Variants in CSMD1 observed in about 807,000 individuals in gnomAD.
CSMD1 encodes the protein CUB and Sushi multiple domains 1.
Under a neutral mutation model 417.5 loss-of-function variants are expected in CSMD1, and 213 were observed. The observed-to-expected ratio is 0.51, with a 90% CI of 0.46 to 0.57. CSMD1 has a LOEUF of 0.57. Among genes scored for constraint, CSMD1 ranks in the 20% least tolerant of loss-of-function variants. The pLI is 0.00. For missense variants in CSMD1, 6,923 were observed against 4,529.7 expected (o/e 1.53, Z -15.17); for synonymous variants, 2,862 against 1,736.8 (o/e 1.65, Z -16.11).
At chr8:3,241,871 A>C (rs1024515435) in intron 26 of CSMD1, among the ~76,000 whole-genome samples, 5 of 152,026 alleles carry the variant, frequency 3.3e-5, no homozygotes, top group African/African-American at 1.2e-4. Context: ...ACGTTAATTA[A>C]GTCCTGTTGT....
At chr8:2,988,688 G>A (rs191431610) in intron 54 of CSMD1, among the ~76,000 whole-genome samples, 4 of 152,118 alleles carry the variant, frequency 2.6e-5, no homozygotes, top group Admixed American at 6.5e-5. Context: ...CTAATAAAAG[G>A]GATACCTTCT....
At chr8:4,205,262 G>T (rs564914494) in intron 3 of CSMD1, among the ~76,000 whole-genome samples, 5 of 152,138 alleles carry the variant, frequency 3.3e-5, no homozygotes, top group Non-Finnish European at 7.4e-5. Flanking sequence ...TCATATTTTT[G>T]CTGCTCATAT....
intron 10 of CSMD1, among the ~76,000 whole-genome samples, chr8:3,505,007 G>C (rs894763731): frequency 8.8e-5 from 8 of 91,086 alleles, no homozygotes; most frequent in African/African-American, 4.1e-4. Flanking sequence ...CAGTGATGGA[G>C]AAACAGTTAA....
intron 4 of CSMD1, among the ~76,000 whole-genome samples, chr8:4,027,685 C>G (rs1241093438): frequency 4.6e-5 from 7 of 152,094 alleles, no homozygotes; most frequent in East Asian, 1.9e-4. Context: ...CGGACTAATA[C>G]AGATGACAAC....
intron 2 of CSMD1, among the ~76,000 whole-genome samples, chr8:4,541,753 A>T (rs2130517394): frequency 6.6e-6 from 1 of 152,196 alleles, no homozygotes; most frequent in South Asian, 2.1e-4. Flanking sequence ...AATAAATAAG[A>T]TAAAGAAAAA....
chr8:4,349,836 T>G (rs1230045480), intron 3 of CSMD1, among the ~76,000 whole-genome samples: 1 of 145,900 alleles, frequency 6.9e-6, no homozygotes, highest in African/African-American at 2.7e-5. Flanking sequence ...TTTTTTTTTT[T>G]AAGTTTAGGT....
intron 12 of CSMD1, among the ~76,000 whole-genome samples, chr8:3,432,869 T>C (rs185470673): frequency 1.4e-3 from 217 of 152,298 alleles, no homozygotes; most frequent in African/African-American, 4.8e-3. Context: ...TGCTTAAATA[T>C]AGTCATCAGA....
chr8:3,787,749 G>T (rs1799526342), intron 5 of CSMD1, among the ~76,000 whole-genome samples: 2 of 152,134 alleles, frequency 1.3e-5, no homozygotes, highest in South Asian at 4.1e-4. Flanking sequence ...CCCTGTATGG[G>T]GAAGTTAAGA....
At chr8:3,679,559 G>C (rs1210512802) in intron 7 of CSMD1, among the ~76,000 whole-genome samples, 1 of 152,088 alleles carries the variant, frequency 6.6e-6, no homozygotes, top group Non-Finnish European at 1.5e-5. Context: ...CCTACAGAGA[G>C]ACTTAGACTC....
intron 10 of CSMD1, among the ~76,000 whole-genome samples, chr8:3,551,906 C>G (rs1029505633): frequency 6.6e-6 from 1 of 152,050 alleles, no homozygotes. Context: ...GCATGTGGTA[C>G]CTGTGTCAGT....
intron 1 of CSMD1, among the ~76,000 whole-genome samples, chr8:4,750,092 G>C (rs1026561911): frequency 6.6e-6 from 1 of 152,034 alleles, no homozygotes; most frequent in African/African-American, 2.4e-5. Context: ...CGCAAGCTCC[G>C]CCTCCCGGGT....
chr8:4,208,983 G>A (rs1800142837), intron 3 of CSMD1, among the ~76,000 whole-genome samples: 2 of 152,144 alleles, frequency 1.3e-5, no homozygotes, highest in Admixed American at 6.6e-5. Flanking sequence ...ACCTACCAGT[G>A]AAAGCTGCTT....
chr8:3,560,587 G>A (rs1799426661), intron 10 of CSMD1, among the ~76,000 whole-genome samples: 2 of 152,270 alleles, frequency 1.3e-5, no homozygotes, highest in South Asian at 2.1e-4. Flanking sequence ...GGGAGAGGAA[G>A]AAGGAATGGA....
At chr8:4,801,695 A>T (rs1442406594) in intron 1 of CSMD1, among the ~76,000 whole-genome samples, 2 of 152,134 alleles carry the variant, frequency 1.3e-5, no homozygotes, top group African/African-American at 4.8e-5. Flanking sequence ...GTCCTTCTAC[A>T]CAAGGCAGCC....
At chr8:2,978,837 A>G in intron 54 of CSMD1, 37 bp from the exon 55 acceptor site, 1 of 1,521,806 alleles carries the variant, frequency 6.6e-7, no homozygotes, top group South Asian at 1.3e-5. Flanking sequence ...ATTTAGAAAC[A>G]GCTAGAAATA....
chr8:4,287,926 G>C (rs1317719467), intron 3 of CSMD1, among the ~76,000 whole-genome samples: 1 of 151,984 alleles, frequency 6.6e-6, no homozygotes, highest in Non-Finnish European at 1.5e-5. Flanking sequence ...CTATGGTCAT[G>C]TTTAGTTGCA....
intron 5 of CSMD1, among the ~76,000 whole-genome samples, chr8:3,960,108 C>A (rs948554163): frequency 2.0e-5 from 3 of 152,182 alleles, no homozygotes; most frequent in Non-Finnish European, 2.9e-5. Flanking sequence ...AGTGGAAACA[C>A]AGGTTGTTCA....
intron 25 of CSMD1, among the ~76,000 whole-genome samples, chr8:3,303,431 C>G (rs1804568108): frequency 6.6e-6 from 1 of 152,198 alleles, no homozygotes; most frequent in African/African-American, 2.4e-5. Flanking sequence ...CACATGTTAC[C>G]TTTTCTAAAA....
intron 38 of CSMD1, among the ~76,000 whole-genome samples, chr8:3,160,241 G>A (rs1819798225): frequency 1.3e-5 from 2 of 152,080 alleles, no homozygotes; most frequent in African/African-American, 4.8e-5. Flanking sequence ...ACCCACCTCA[G>A]CCTCCCAGGT....
Sources: allele counts gnomAD v4.1 joint callset (sites outside exome capture counted in the v4.1 genomes callset), GRCh38; gene constraint gnomAD v4.1.1; transcripts MANE v1.5; gene names NCBI Gene and HGNC (gene_info 2026-07-23, HGNC 2026-07-21).